Variants in SLC44A1 observed in about 807,000 individuals in gnomAD.
SLC44A1 encodes the protein choline transporter-like protein 1.
A neutral mutation model predicts 79.3 loss-of-function variants in SLC44A1; 26 were observed. That is an observed-to-expected ratio of 0.33 (90% CI 0.24 to 0.46). The LOEUF (loss-of-function observed/expected upper bound fraction) is 0.46, where lower values mean the gene tolerates loss of function less well. SLC44A1 is among the 20% of genes least tolerant of loss of function. The pLI, the probability that SLC44A1 is intolerant of heterozygous loss-of-function variation, is 1.00. For synonymous variants in SLC44A1, 263 were observed against 286.2 expected (o/e 0.92, Z 0.82); for missense variants, 688 against 798.1 (o/e 0.86, Z 1.66).
chr9:105,416,309 G>A (rs1829170126), intron 15 of SLC44A1, among the ~76,000 whole-genome samples: 1 of 150,444 alleles, frequency 6.6e-6, no homozygotes, highest in African/African-American at 2.5e-5. Context: ...AAAAAAAAAA[G>A]TACCATGATA....
At chr9:105,356,062 G>A (rs891905114) in intron 5 of SLC44A1, 150 bp from the exon 6 acceptor site, 1 of 637,606 alleles carries the variant, frequency 1.6e-6, no homozygotes, top group Admixed American at 2.9e-5. Flanking sequence ...CATCCTCATA[G>A]CATTAAGCAC....
chr9:105,306,754 T>A (rs2131303305), intron 2 of SLC44A1, among the ~76,000 whole-genome samples: 1 of 152,108 alleles, frequency 6.6e-6, no homozygotes, highest in African/African-American at 2.4e-5. Flanking sequence ...TGTCCAACAG[T>A]ACAGTTAAGA....
chr9:105,333,508 A>G (rs1826817414), intron 3 of SLC44A1, among the ~76,000 whole-genome samples: 1 of 152,176 alleles, frequency 6.6e-6, no homozygotes, highest in East Asian at 1.9e-4. Context: ...AAAAGTCTTT[A>G]TCATTAAGTA....
chr9:105,356,967 A>G (rs1827642214), intron 6 of SLC44A1, among the ~76,000 whole-genome samples: 1 of 152,202 alleles, frequency 6.6e-6, no homozygotes, highest in Non-Finnish European at 1.5e-5. Context: ...CTAGAACTAT[A>G]TGTACCTTAT....
intron 11 of SLC44A1, 23 bp from the exon 12 acceptor site, chr9:105,366,323 A>T: frequency 7.5e-7 from 1 of 1,338,298 alleles, no homozygotes; most frequent in Non-Finnish European, 1.0e-6. Flanking sequence ...TTTTTTTATT[A>T]TTTCCATTTT....
chr9:105,398,824 G>A (rs1391751839), downstream of SLC44A1, among the ~76,000 whole-genome samples: 1 of 152,194 alleles, frequency 6.6e-6, no homozygotes, highest in Non-Finnish European at 1.5e-5. Flanking sequence ...GTGAGTTTCT[G>A]CCTCTACCAG....
At chr9:105,262,271 T>C (rs1243923667) in intron 1 of SLC44A1, among the ~76,000 whole-genome samples, 3 of 152,214 alleles carry the variant, frequency 2.0e-5, no homozygotes, top group Non-Finnish European at 2.9e-5. Flanking sequence ...TGAAGTTCAG[T>C]AAACTTTAGG....
At chr9:105,298,624 A>T (rs1353100566) in intron 1 of SLC44A1, among the ~76,000 whole-genome samples, 1 of 152,190 alleles carries the variant, frequency 6.6e-6, no homozygotes. Context: ...TGCTGGGATT[A>T]CAGATGTGAG....
chr9:105,367,745 C>T (rs1187514273), intron 12 of SLC44A1, among the ~76,000 whole-genome samples: 1 of 152,108 alleles, frequency 6.6e-6, no homozygotes, highest in Non-Finnish European at 1.5e-5. Flanking sequence ...AGCGTCACCT[C>T]CAAGAAGCCA....
chr9:105,393,486 A>G lies in SLC44A1; in HGVS notation c.*4430A>G, dbSNP rs760441109. Reference sequence around the variant, plus strand: ...TTTCATACATTTGAGCCAAATTCTTATACTCCATGTTTTAATTTTAAAAGG... The same window carrying G: ...TTTCATACATTTGAGCCAAATTCTTGTACTCCATGTTTTAATTTTAAAAGG... On this transcript the variant is annotated 3_prime_UTR_variant, in exon 16 of 16. Transcript: ENST00000374720. The G allele has an allele frequency of 1.5e-5, 14 of 948,956 alleles. No homozygotes were observed. The highest frequency in any genetic ancestry group is 1.8e-5 in the African/African-American group (1 of 56,416). The allele number at this position is 948,956 out of a possible 1,614,324, so 58.8% of individuals were successfully genotyped here.
chr9:105,312,232 A>G (rs1022381488), intron 3 of SLC44A1, among the ~76,000 whole-genome samples: 27 of 152,146 alleles, frequency 1.8e-4, no homozygotes, highest in Non-Finnish European at 1.6e-4. Flanking sequence ...ATTCCTCCCA[A>G]TCTGCACATG....
chr9:105,372,928 C>T (rs1176829021), intron 12 of SLC44A1, among the ~76,000 whole-genome samples: 6 of 143,742 alleles, frequency 4.2e-5, no homozygotes, highest in East Asian at 2.1e-4. Context: ...CCAGCCTGGG[C>T]GACAGAGCGA....
At chr9:105,246,414 T>C (rs897257621) in intron 1 of SLC44A1, among the ~76,000 whole-genome samples, 2 of 151,908 alleles carry the variant, frequency 1.3e-5, no homozygotes, top group Non-Finnish European at 1.5e-5. Flanking sequence ...CCGTTAGCTT[T>C]TTTTTTTCCT....
At chr9:105,434,555 T>C (rs1829439942) in intron 15 of SLC44A1, among the ~76,000 whole-genome samples, 1 of 152,196 alleles carries the variant, frequency 6.6e-6, no homozygotes, top group African/African-American at 2.4e-5. Flanking sequence ...CTTTACACCA[T>C]ACATTTATAG....
intron 1 of SLC44A1, among the ~76,000 whole-genome samples, chr9:105,271,880 C>T (rs1830087492): frequency 6.6e-6 from 1 of 152,206 alleles, no homozygotes; most frequent in Admixed American, 6.5e-5. Context: ...TCCCAAAGTG[C>T]TGGGATTACA....
At chr9:105,413,665 C>T (rs1445902892) in intron 15 of SLC44A1, among the ~76,000 whole-genome samples, 5 of 152,216 alleles carry the variant, frequency 3.3e-5, no homozygotes, top group Non-Finnish European at 7.3e-5. Flanking sequence ...TAATAGGTTT[C>T]TGTTAAATGC....
chr9:105,327,325 C>T (rs1826609838), intron 3 of SLC44A1, among the ~76,000 whole-genome samples: 2 of 152,200 alleles, frequency 1.3e-5, no homozygotes, highest in South Asian at 4.2e-4. Flanking sequence ...CTCTGTCACC[C>T]AGGCTGGAGT....
At chr9:105,248,602 T>C (rs1829509894) in intron 1 of SLC44A1, among the ~76,000 whole-genome samples, 1 of 152,248 alleles carries the variant, frequency 6.6e-6, no homozygotes, top group African/African-American at 2.4e-5. Context: ...TGTTTACTAA[T>C]ATTGGTAATT....
intron 3 of SLC44A1, among the ~76,000 whole-genome samples, chr9:105,317,950 G>A (rs935281044): frequency 9.2e-5 from 14 of 152,062 alleles, no homozygotes; most frequent in Non-Finnish European, 1.0e-4. Context: ...ATTTGGCTTT[G>A]CTTTGAGGGA....
Sources: allele counts gnomAD v4.1 joint callset (sites outside exome capture counted in the v4.1 genomes callset), GRCh38; gene constraint gnomAD v4.1.1; transcripts MANE v1.5; gene names NCBI Gene and HGNC (gene_info 2026-07-23, HGNC 2026-07-21).